Variants in DOCK4 observed in about 807,000 individuals in gnomAD.
The protein encoded by DOCK4 is dedicator of cytokinesis 4, also known as dedicator of cytokinesis protein 4.
DOCK4 carries 97 observed loss-of-function variants against 268.1 expected under a neutral mutation model. The observed-to-expected ratio is 0.36, with a 90% CI of 0.31 to 0.43. The LOEUF (loss-of-function observed/expected upper bound fraction) is 0.43. Ranked by LOEUF, DOCK4 falls within the 20% of genes least tolerant of loss-of-function variation. The pLI is 1.00. For missense variants in DOCK4, 2,145 were observed against 2,455.7 expected, an observed-to-expected ratio of 0.87 and a Z score of 2.67; for synonymous variants, 954 against 887.2, an observed-to-expected ratio of 1.08 and a Z score of -1.34.
chr7:111,933,296 A>ATTTTT (rs1243755248), intron 12 of DOCK4, among the ~76,000 whole-genome samples: 2 of 108,404 alleles, frequency 1.8e-5, no homozygotes, highest in Non-Finnish European at 1.9e-5. Flanking sequence ...ATATATATAT[A>ATTTTT]TATTTTTTTT....
chr7:111,938,740 C>T (rs1486294553), intron 11 of DOCK4, among the ~76,000 whole-genome samples: 1 of 152,088 alleles, frequency 6.6e-6, no homozygotes, highest in African/African-American at 2.4e-5. Flanking sequence ...TTTGAAAGAG[C>T]GTCTTTACAG....
At chr7:112,104,246 G>T (rs1810943574) in intron 1 of DOCK4, among the ~76,000 whole-genome samples, 1 of 152,146 alleles carries the variant, frequency 6.6e-6, no homozygotes, top group African/African-American at 2.4e-5. Context: ...ATGGTACTTT[G>T]GTACTTTCAC....
chr7:111,951,339 T>G (rs1400640198), intron 8 of DOCK4, among the ~76,000 whole-genome samples: 1 of 152,174 alleles, frequency 6.6e-6, no homozygotes. Flanking sequence ...ACCACTGTTG[T>G]GCCCATTTGT....
intron 9 of DOCK4, 94 bp from the exon 10 acceptor site, chr7:111,944,965 G>A (rs954990264): frequency 1.1e-6 from 1 of 912,464 alleles, no homozygotes; most frequent in Non-Finnish European, 1.7e-6. Context: ...AGAAAGAGAT[G>A]GACACAGACA....
At chr7:111,855,845 A>T (rs1008464153) in intron 23 of DOCK4, among the ~76,000 whole-genome samples, 1 of 152,178 alleles carries the variant, frequency 6.6e-6, no homozygotes, top group Non-Finnish European at 1.5e-5. Context: ...CCATCCTAAT[A>T]TATTTCTAAT....
intron 51 of DOCK4, among the ~76,000 whole-genome samples, chr7:111,733,407 C>A (rs1268001196): frequency 6.6e-6 from 1 of 152,208 alleles, no homozygotes; most frequent in Non-Finnish European, 1.5e-5. Context: ...CTCTCTCTTG[C>A]ACTCTTGAAT....
At chr7:111,741,913 G>T in intron 45 of DOCK4, 100 bp downstream of exon 45, 1 of 1,451,226 alleles carries the variant, frequency 6.9e-7, no homozygotes, top group Non-Finnish European at 9.2e-7. Flanking sequence ...CAGTTTGGTA[G>T]AAAAACCACA....
intron 12 of DOCK4, among the ~76,000 whole-genome samples, chr7:111,918,352 C>T (rs1189313603): frequency 6.6e-6 from 1 of 152,194 alleles, no homozygotes; most frequent in Non-Finnish European, 1.5e-5. Context: ...ATCTCCCTCT[C>T]CAGCCCCACC....
intron 36 of DOCK4, among the ~76,000 whole-genome samples, chr7:111,778,056 T>C (rs1798562007): frequency 6.6e-6 from 1 of 152,118 alleles, no homozygotes; most frequent in Admixed American, 6.5e-5. Flanking sequence ...CAGAGCAACC[T>C]CTGAAAAAGT....
chr7:112,201,664 G>GA (rs1256911504), intron 1 of DOCK4, among the ~76,000 whole-genome samples: 1 of 150,042 alleles, frequency 6.7e-6, no homozygotes, highest in Non-Finnish European at 1.5e-5. Context: ...GGGGAGGGGG[G>GA]AGGAATGGGG....
At chr7:111,741,300 G>A (rs751582060) in intron 46 of DOCK4, 86 bp from the exon 47 acceptor site, 29 of 1,536,062 alleles carry the variant, frequency 1.9e-5, no homozygotes, top group Non-Finnish European at 2.6e-5. Context: ...ACCAAAGGGG[G>A]GAAAATACAT....
chr7:112,128,163 C>G (rs1813416929), intron 1 of DOCK4, among the ~76,000 whole-genome samples: 2 of 152,240 alleles, frequency 1.3e-5, no homozygotes, highest in African/African-American at 4.8e-5. Flanking sequence ...CCAGTACTCT[C>G]CTTCCCCAAT....
chr7:112,069,427 A>G (rs1807378951), intron 1 of DOCK4, among the ~76,000 whole-genome samples: 1 of 152,218 alleles, frequency 6.6e-6, no homozygotes, highest in Admixed American at 6.5e-5. Flanking sequence ...ATAGGACTCT[A>G]CATTAAGAAT....
intron 16 of DOCK4, among the ~76,000 whole-genome samples, chr7:111,882,261 A>G (rs1807453314): frequency 1.3e-5 from 2 of 152,128 alleles, no homozygotes; most frequent in Admixed American, 6.5e-5. Flanking sequence ...TTATAATATC[A>G]TTTGGGTAAA....
At chr7:111,915,985 A>G (rs1792551059) in intron 12 of DOCK4, 81 bp from the exon 13 acceptor site, 1 of 1,428,530 alleles carries the variant, frequency 7.0e-7, no homozygotes, top group South Asian at 1.3e-5. Flanking sequence ...AACAAGCCCA[A>G]ATTTAGAATA....
intron 52 of DOCK4, among the ~76,000 whole-genome samples, chr7:111,731,027 G>A (rs931882739): frequency 3.3e-5 from 5 of 152,102 alleles, no homozygotes; most frequent in Non-Finnish European, 5.9e-5. Context: ...TGTGAGTAAG[G>A]GCAAATGTAA....
intron 1 of DOCK4, among the ~76,000 whole-genome samples, chr7:112,148,690 T>A (rs1417510311): frequency 6.6e-6 from 1 of 152,114 alleles, no homozygotes; most frequent in East Asian, 1.9e-4. Context: ...TTTTGTTTTG[T>A]TTTTCCTCCC....
chr7:112,131,399 G>A (rs1035701250), intron 1 of DOCK4, among the ~76,000 whole-genome samples: 1 of 152,112 alleles, frequency 6.6e-6, no homozygotes, highest in Admixed American at 6.5e-5. Context: ...TCCTTCACCC[G>A]TATGTGAAAC....
At position 112,005,500 on chromosome 7, in the gene DOCK4, G is replaced by A. The variant is rs147226736; in HGVS notation, c.38-1369C>T. ...CTAACTATAACCATGAATACCATTA[G>A]CCTCATAATGACGTGCAAGAAGCAT... On this transcript the variant is annotated intron_variant, in intron 1 of 52. Coordinates refer to ENST00000428084, the MANE Select transcript of DOCK4 (RefSeq NM_001363540.2). 3.6e-3 allele frequency among the ~76,000 whole-genome samples: 550 copies of A among 152,252 alleles called. 4 individuals are homozygous for A. Among genetic ancestry groups the A allele is most frequent in the African/African-American group, 0.012 (513 of 41,538 alleles).
Sources: gnomAD v4.1 joint callset for allele counts (sites outside exome capture counted in the v4.1 genomes callset) on GRCh38, gnomAD v4.1.1 for gene constraint, MANE v1.5 for transcripts, NCBI Gene and HGNC (gene_info 2026-07-23, HGNC 2026-07-21) for gene names.